The following PLGRKT variants were observed in gnomAD, a reference collection of about 807,000 sequenced individuals.
The protein encoded by PLGRKT is plasminogen receptor (KT).
In PLGRKT, 22 loss-of-function variants were observed where a neutral mutation model predicts 18.5. The observed-to-expected ratio is 1.19, with a 90% CI of 0.85 to 1.70. PLGRKT has a LOEUF of 1.70. Among genes scored for constraint, PLGRKT ranks in the 40% most tolerant of loss-of-function variants. The pLI is 0.00. For synonymous variants in PLGRKT, 72 were observed against 52.8 expected (o/e 1.36, Z -1.58); for missense variants, 235 against 174.4 (o/e 1.35, Z -1.96).
intron 3 of PLGRKT, among the ~76,000 whole-genome samples, chr9:5,416,449 C>T (rs181625415): frequency 6.6e-6 from 1 of 152,198 alleles, no homozygotes; most frequent in Admixed American, 6.5e-5. Flanking sequence ...AAGGCAAAAA[C>T]AATTATTAAA....
chr9:5,421,325 T>C (rs749589783), intron 3 of PLGRKT, among the ~76,000 whole-genome samples: 2 of 152,238 alleles, frequency 1.3e-5, no homozygotes, highest in Non-Finnish European at 2.9e-5. Context: ...AAAGGTCACC[T>C]TCTGAGGCTT....
chr9:5,361,693 A>T, intron 4 of PLGRKT, 65 bp downstream of exon 4: 1 of 1,482,436 alleles, frequency 6.7e-7, no homozygotes, highest in Non-Finnish European at 9.2e-7. Context: ...ACTTCATAAT[A>T]AAATGGTAAT....
chr9:5,421,153 C>T (rs1372372560), intron 3 of PLGRKT, among the ~76,000 whole-genome samples: 3 of 152,184 alleles, frequency 2.0e-5, no homozygotes, highest in African/African-American at 7.2e-5. Flanking sequence ...CCACTCTCCC[C>T]CATCCTTTCA....
intron 3 of PLGRKT, among the ~76,000 whole-genome samples, chr9:5,384,032 C>T (rs1045149556): frequency 6.6e-6 from 1 of 152,214 alleles, no homozygotes; most frequent in Admixed American, 6.5e-5. Context: ...ACTGTCACAG[C>T]GCCTGACCAT....
At chr9:5,412,575 C>T (rs1818385767) in intron 3 of PLGRKT, among the ~76,000 whole-genome samples, 1 of 152,174 alleles carries the variant, frequency 6.6e-6, no homozygotes, top group African/African-American at 2.4e-5. Flanking sequence ...AGGAAGGAGA[C>T]TTCCCAGCCT....
chr9:5,361,113 T>G lies in PLGRKT; in HGVS notation c.287A>C (p.Asp96Ala). 6.2e-7 allele frequency: 1 copy of G among 1,605,850 alleles called. No individual in the cohort carries two copies. Among genetic ancestry groups the G allele is most frequent in the East Asian group, 2.2e-5 (1 of 44,818 alleles). Residue 96 changes from aspartate to alanine, a missense_variant, in exon 5 of 6, where the codon GAC becomes GCC. Coordinates refer to ENST00000223864, the MANE Select transcript of PLGRKT (RefSeq NM_018465.4). Reference sequence around the variant, plus strand: ...TTCTAAAAGGGTTCCATAGCCCAAGTCATACTGGTAGGTGAGGATAAAGCT... The same window carrying G: ...TTCTAAAAGGGTTCCATAGCCCAAGGCATACTGGTAGGTGAGGATAAAGCT... Reference protein sequence around the residue: ...PLSFILTYQYDLGYGTLLERM... With the variant: ...PLSFILTYQYALGYGTLLERM...
Position 5,418,734 on chromosome 9 carries a change from T to C in PLGRKT, c.81+13163A>G. On this transcript the variant is annotated intron_variant, in intron 3 of 5. Coordinates refer to ENST00000223864, the MANE Select transcript of PLGRKT (RefSeq NM_018465.4). This position sits in a 1 kb window ranked among gnomAD's most constrained non-coding sequence, Gnocchi z 4.2. Reference sequence around the variant, plus strand: ...AGACCGGCATGTGCTCCGAAGCGTGTGGAATGGTGATGACAGCCAGGACCT... The same window carrying C: ...AGACCGGCATGTGCTCCGAAGCGTGCGGAATGGTGATGACAGCCAGGACCT... The C allele has an allele frequency of 4.4e-6, 3 of 676,848 alleles. No individual in the cohort carries two copies. The highest frequency in any genetic ancestry group is 2.1e-5 in the Admixed American group (1 of 46,848). 41.9% of individuals were successfully genotyped at this position (676,848 alleles called of 1,614,324 possible). A position where few individuals can be genotyped will look rare whatever the true frequency, so the allele number is the denominator to read the frequency against.
At chr9:5,422,067 G>C (rs575887752) in intron 3 of PLGRKT, among the ~76,000 whole-genome samples, 2 of 152,262 alleles carry the variant, frequency 1.3e-5, no homozygotes, top group Non-Finnish European at 1.5e-5. Context: ...GGATAACCAG[G>C]TAGTAAAAGT....
At chr9:5,435,232 G>A (rs1818936278) in intron 2 of PLGRKT, among the ~76,000 whole-genome samples, 1 of 149,820 alleles carries the variant, frequency 6.7e-6, no homozygotes, top group South Asian at 2.1e-4. Context: ...TTGTTCTTGT[G>A]TTTATCTGCT....
chr9:5,397,002 A>G (rs1047597302), intron 3 of PLGRKT, among the ~76,000 whole-genome samples: 2 of 152,046 alleles, frequency 1.3e-5, no homozygotes, highest in Non-Finnish European at 2.9e-5. Context: ...TATTCTACTA[A>G]AGCAGAATTT....
chr9:5,373,055 T>C (rs1817552964), intron 3 of PLGRKT, among the ~76,000 whole-genome samples: 1 of 152,198 alleles, frequency 6.6e-6, no homozygotes, highest in Non-Finnish European at 1.5e-5. Context: ...GAATGGACAG[T>C]GTATCTGATT....
At chr9:5,419,871 G>C (rs937441431) in intron 3 of PLGRKT, among the ~76,000 whole-genome samples, 2 of 152,150 alleles carry the variant, frequency 1.3e-5, no homozygotes, top group African/African-American at 2.4e-5. Flanking sequence ...CCATTACTAG[G>C]TATATACCCA....
chr9:5,386,526 CA>C (rs1276835579), intron 3 of PLGRKT, among the ~76,000 whole-genome samples: 1 of 151,768 alleles, frequency 6.6e-6, no homozygotes, highest in Non-Finnish European at 1.5e-5. Context: ...TTTTCACTTC[CA>C]AATGTCAATA....
At chr9:5,413,856 A>G (rs892777967) in intron 3 of PLGRKT, among the ~76,000 whole-genome samples, 1 of 152,204 alleles carries the variant, frequency 6.6e-6, no homozygotes, top group Non-Finnish European at 1.5e-5. Context: ...CTATGCAACC[A>G]TTTTTTTAAA....
chr9:5,398,093 C>G (rs892928038), intron 3 of PLGRKT, among the ~76,000 whole-genome samples: 3 of 151,802 alleles, frequency 2.0e-5, no homozygotes, highest in Non-Finnish European at 2.9e-5. Context: ...GGATGGACAG[C>G]AAAACGGGAG....
intron 4 of PLGRKT, 73 bp from the exon 5 acceptor site, chr9:5,361,260 A>G: frequency 1.3e-6 from 1 of 782,812 alleles, no homozygotes; most frequent in Non-Finnish European, 2.1e-6. Context: ...ACTTAAAGAA[A>G]AAAAAATACC....
intron 3 of PLGRKT, among the ~76,000 whole-genome samples, chr9:5,398,716 T>C: frequency 6.6e-6 from 1 of 151,798 alleles, no homozygotes. Flanking sequence ...TCATAAAGCT[T>C]TGAGGAAATT....
intron 3 of PLGRKT, among the ~76,000 whole-genome samples, chr9:5,367,967 G>C (rs762938051): frequency 8.6e-5 from 13 of 152,008 alleles, no homozygotes; most frequent in Non-Finnish European, 1.9e-4. Context: ...ACATATGCTT[G>C]GCCAACAAGC....
chr9:5,365,427 C>A (rs960451496), intron 3 of PLGRKT, among the ~76,000 whole-genome samples: 6 of 152,168 alleles, frequency 3.9e-5, no homozygotes, highest in Non-Finnish European at 7.3e-5. Context: ...ATATCCTGTA[C>A]AGAAGAATTC....
Sources: allele counts gnomAD v4.1 joint callset (sites outside exome capture counted in the v4.1 genomes callset), GRCh38; gene constraint gnomAD v4.1.1; non-coding constraint Gnocchi (gnomAD v3.1); transcripts MANE v1.5; gene names NCBI Gene and HGNC (gene_info 2026-07-23, HGNC 2026-07-21).